The following NCF2 variants were observed in gnomAD, a reference collection of about 807,000 sequenced individuals.
NCF2 encodes the protein neutrophil cytosol factor 2.
Under a neutral mutation model 70.9 loss-of-function variants are expected in NCF2, and 45 were observed. That is an observed-to-expected ratio of 0.63 (90% confidence interval 0.50 to 0.81). NCF2 has a LOEUF of 0.81. Among genes scored for constraint, NCF2 ranks in the 40% least tolerant of loss-of-function variants. The probability of loss-of-function intolerance (pLI) is 0.00; values close to 1 mark genes in which losing one functional copy is unlikely to be tolerated. For synonymous variants in NCF2, 203 were observed against 233.6 expected (o/e 0.87, Z 1.19); for missense variants, 522 against 631.6 (o/e 0.83, Z 1.86).
At chr1:183,590,552 G>T (rs1673598748), upstream of NCF2, 1 of 618,516 alleles carries the variant, frequency 1.6e-6, no homozygotes, top group Non-Finnish European at 2.9e-6. Context: ...ACCCTACCAT[G>T]AGAGAGAAAA....
chr1:183,592,938 C>A (rs1340891866), upstream of NCF2, among the ~76,000 whole-genome samples: 1 of 152,148 alleles, frequency 6.6e-6, no homozygotes, highest in African/African-American at 2.4e-5. Context: ...TCTCCCATGT[C>A]TGCACCTTCA....
the NCF2 span, among the ~76,000 whole-genome samples, chr1:183,597,582 G>A: frequency 0.013 from 2,044 of 152,266 alleles, 51 homozygotes; most frequent in African/African-American, 0.047. Context: ...CATAGTACCC[G>A]ATAGGTGGTT....
upstream of NCF2, among the ~76,000 whole-genome samples, chr1:183,593,163 G>T (rs1558111554): frequency 9.7e-6 from 1 of 103,304 alleles, no homozygotes; most frequent in East Asian, 2.2e-4. Flanking sequence ...GCCTCAGGAG[G>T]AAGTCCTGGG....
chr1:183,581,177 G>A (rs559903633), intron 2 of NCF2, among the ~76,000 whole-genome samples: 1 of 150,564 alleles, frequency 6.6e-6, no homozygotes, highest in African/African-American at 2.5e-5. Context: ...AGCTACCCGG[G>A]AAGCTGAGGT....
At chr1:183,586,782 A>G in intron 2 of NCF2, 113 bp downstream of exon 2, 2 of 962,856 alleles carry the variant, frequency 2.1e-6, no homozygotes, top group Admixed American at 1.7e-5. Context: ...AGGGCCAGTC[A>G]CATTTCCCAA....
upstream of NCF2, among the ~76,000 whole-genome samples, chr1:183,593,761 T>C (rs139071952): frequency 7.9e-5 from 12 of 152,322 alleles, no homozygotes; most frequent in African/African-American, 2.4e-4. Flanking sequence ...TAATCATTAC[T>C]TGGTGCTGTT....
At chr1:183,589,986 C>T (rs1176976141) in intron 1 of NCF2, among the ~76,000 whole-genome samples, 170 bp downstream of exon 1, 1 of 152,180 alleles carries the variant, frequency 6.6e-6, no homozygotes, top group African/African-American at 2.4e-5. Context: ...TTAAAACTGG[C>T]TGCCTGGGGC....
intron 4 of NCF2, among the ~76,000 whole-genome samples, chr1:183,573,681 A>G (rs746571661): frequency 2.0e-5 from 3 of 152,254 alleles, no homozygotes; most frequent in Admixed American, 6.5e-5. Flanking sequence ...GAGGATAGAC[A>G]TATAAAGACT....
chr1:183,574,448 G>T (rs752716643), intron 4 of NCF2, 39 bp downstream of exon 4: 1 of 1,614,006 alleles, frequency 6.2e-7, no homozygotes, highest in East Asian at 2.2e-5. Flanking sequence ...TGAGAATCCA[G>T]TGACATCCTC....
At chr1:183,581,936 GGATTA>G (rs1458106465) in intron 2 of NCF2, among the ~76,000 whole-genome samples, 1 of 152,176 alleles carries the variant, frequency 6.6e-6, no homozygotes, top group Non-Finnish European at 1.5e-5. Context: ...CAAAGTGCTG[GGATTA>G]CAGGCGTGAG....
In NCF2 at chr1:183,559,920, T is replaced by C. The variant is rs561720503; in HGVS notation, c.1468+176A>G. Among the ~76,000 whole-genome samples, 3 of 152,304 alleles carry C rather than the reference T, an allele frequency of 2.0e-5. No homozygotes were observed. In the East Asian group the frequency reaches 5.8e-4, roughly 29 times the overall value. ...GTTGCTTTCCTGGCTACTAGAGCAA[T>C]AGACAGGGAAAGTCTGAGTGCTCAA... is the stretch of plus-strand genomic sequence containing the variant. On this transcript the variant is annotated intron_variant, in intron 14 of 14. Coordinates refer to ENST00000367535, the MANE Select transcript of NCF2 (RefSeq NM_000433.4).
At chr1:183,599,406 C>A in the NCF2 span, among the ~76,000 whole-genome samples, 1 of 145,168 alleles carries the variant, frequency 6.9e-6, no homozygotes, top group Non-Finnish European at 1.5e-5. Context: ...ACCTCTTTTT[C>A]TTTCTTTCTT....
At chr1:183,557,499 TG>T (rs1671844241) in intron 14 of NCF2, among the ~76,000 whole-genome samples, 1 of 152,222 alleles carries the variant, frequency 6.6e-6, no homozygotes, top group African/African-American at 2.4e-5. Context: ...GTGATTCACA[TG>T]CACATTAAAG....
chr1:183,588,075 T>C (rs1485698471), intron 1 of NCF2, among the ~76,000 whole-genome samples: 2 of 152,212 alleles, frequency 1.3e-5, no homozygotes, highest in Admixed American at 6.5e-5. Context: ...TAACTGCTGT[T>C]TGCTCTAATT....
At chr1:183,599,473 T>TCTTTCTTTCTTTC in the NCF2 span, among the ~76,000 whole-genome samples, 1 of 143,516 alleles carries the variant, frequency 7.0e-6, no homozygotes, top group African/African-American at 2.7e-5. Context: ...TTTCTTTCTT[T>TCTTTCTTTCTTTC]CTTTCTTTCT....
At chr1:183,595,222 G>A (rs1031198908), upstream of NCF2, among the ~76,000 whole-genome samples, 2 of 152,212 alleles carry the variant, frequency 1.3e-5, no homozygotes, top group Admixed American at 6.5e-5. Flanking sequence ...AAACCCTGAA[G>A]GAGGCAGGGA....
the NCF2 span, among the ~76,000 whole-genome samples, chr1:183,599,435 T>TTTCC: frequency 1.1e-5 from 1 of 93,962 alleles, no homozygotes; most frequent in Admixed American, 1.2e-4. Context: ...TCTTTCTTTC[T>TTTCC]TTCTTTCTTT....
At chr1:183,599,436 T>TTCTTTCTTTCTTTC in the NCF2 span, among the ~76,000 whole-genome samples, 32 of 95,030 alleles carry the variant, frequency 3.4e-4, no homozygotes, top group African/African-American at 1.1e-3. Context: ...CTTTCTTTCT[T>TTCTTTCTTTCTTTC]TCTTTCTTTC....
Position 183,565,717 on chromosome 1 carries a change from G to C in NCF2, c.987C>G (p.Pro329=). The part of the protein sequence containing the change: ...APPSSKAPGR[P]QLSPGQKQKE... ...AGGACCACTCACCTGGTGACAGCTGGGGTCTTCCAGGGGCTTTGGAACTAG... is the reference window on the plus strand; with the variant it reads ...AGGACCACTCACCTGGTGACAGCTGCGGTCTTCCAGGGGCTTTGGAACTAG... The change falls in exon 10 of 15, where the codon CCC becomes CCG. Residue 329 remains proline, a synonymous_variant. Coordinates refer to ENST00000367535, the MANE Select transcript of NCF2 (RefSeq NM_000433.4). The C allele has an allele frequency of 6.2e-7, 1 of 1,612,562 alleles. No individual in the cohort carries two copies. The highest frequency in any genetic ancestry group is 1.3e-5 in the African/African-American group (1 of 74,974).
Sources: allele counts gnomAD v4.1 joint callset (sites outside exome capture counted in the v4.1 genomes callset), GRCh38; gene constraint gnomAD v4.1.1; transcripts MANE v1.5; gene names NCBI Gene and HGNC (gene_info 2026-07-23, HGNC 2026-07-21).